Variants in ADAM22 observed in about 807,000 individuals in gnomAD.
ADAM22 encodes the protein ADAM metallopeptidase domain 22, also known as disintegrin and metalloproteinase domain-containing protein 22.
A neutral mutation model predicts 144.6 loss-of-function variants in ADAM22; 65 were observed. That is an observed-to-expected ratio of 0.45 (90% confidence interval 0.37 to 0.55). The LOEUF is 0.55. Ranked by LOEUF, ADAM22 falls within the 20% of genes least tolerant of loss-of-function variation. The pLI is 0.00. For missense variants in ADAM22, 974 were observed against 1,184.9 expected, an observed-to-expected ratio of 0.82 and a Z score of 2.61; for synonymous variants, 391 against 412.6, an observed-to-expected ratio of 0.95 and a Z score of 0.63.
chr7:88,085,067 C>G (rs1818051965), intron 4 of ADAM22, among the ~76,000 whole-genome samples: 1 of 152,184 alleles, frequency 6.6e-6, no homozygotes, highest in South Asian at 2.1e-4. Flanking sequence ...GAGACCCTGT[C>G]TCTACATACA....
intron 8 of ADAM22, among the ~76,000 whole-genome samples, chr7:88,127,820 C>T (rs1428005862): frequency 6.6e-6 from 1 of 151,960 alleles, no homozygotes; most frequent in Non-Finnish European, 1.5e-5. Context: ...GCTTTACAAA[C>T]CTTGTTAATG....
chr7:87,948,283 T>G (rs1012614450), intron 2 of ADAM22, among the ~76,000 whole-genome samples: 2 of 152,222 alleles, frequency 1.3e-5, no homozygotes, highest in Admixed American at 6.5e-5. Context: ...TGTAGCACAT[T>G]GCTGGACTTA....
chr7:87,968,205 A>G (rs1450557123), intron 2 of ADAM22, among the ~76,000 whole-genome samples: 1 of 152,164 alleles, frequency 6.6e-6, no homozygotes, highest in Non-Finnish European at 1.5e-5. Flanking sequence ...TATGGCTTTC[A>G]AGATAAGGAG....
intron 2 of ADAM22, among the ~76,000 whole-genome samples, chr7:87,960,186 A>G (rs1336841148): frequency 6.6e-6 from 1 of 152,240 alleles, no homozygotes; most frequent in East Asian, 1.9e-4. Flanking sequence ...AGTTTTAAAC[A>G]GTCTTTCCAA....
intron 24 of ADAM22, 127 bp from the exon 25 acceptor site, chr7:88,168,010 C>A: frequency 1.3e-6 from 1 of 744,594 alleles, no homozygotes; most frequent in Non-Finnish European, 2.1e-6. Context: ...TTTTTTCTTT[C>A]CTTTGAAAAA....
chr7:88,131,397 T>A lies in ADAM22; in HGVS notation c.954T>A (p.Asp318Glu). ...GTGAGTTTATGAAATACAGGAGGGA[T>A]TTTATCAAAGAGAAAAGTGATGCAG... ...TLREFMKYRR[D>E]FIKEKSDAVH... The change falls in exon 11 of 32, where the codon GAT becomes GAA. Residue 318 changes from aspartate (D) to glutamate (E), a missense_variant. Coordinates refer to ENST00000413139, the MANE Select transcript of ADAM22 (RefSeq NM_001324418.2). The A allele has an allele frequency of 6.2e-7, 1 of 1,613,838 alleles. No individual in the cohort carries two copies. Among genetic ancestry groups the A allele is most frequent in the Non-Finnish European group, 8.5e-7 (1 of 1,179,820 alleles).
At chr7:88,175,974 G>C (rs1845549147) in intron 26 of ADAM22, among the ~76,000 whole-genome samples, 1 of 152,048 alleles carries the variant, frequency 6.6e-6, no homozygotes, top group East Asian at 1.9e-4. Context: ...TAGTAGTATT[G>C]TTATTATTAT....
Position 88,165,818 on chromosome 7 carries a change from A to AT in ADAM22, c.2077-10dup, listed in dbSNP as rs763408479. On this transcript the variant is annotated splice_polypyrimidine_tract_variant and intron_variant, in intron 23 of 31. Coordinates refer to ENST00000413139, the MANE Select transcript of ADAM22 (RefSeq NM_001324418.2). ...GAGAGTTGACATTTACTCTAGCTTG[A>AT]TTTTGGATCTCAGGTTTGCAGTAAT... 2.5e-6 allele frequency: 4 copies of AT among 1,576,860 alleles called. No homozygotes were observed. The African/African-American group carries it at 5.5e-5, about 22-fold the overall frequency.
chr7:88,079,812 A>G (rs572165969), intron 4 of ADAM22, among the ~76,000 whole-genome samples: 97 of 152,350 alleles, frequency 6.4e-4, no homozygotes, highest in African/African-American at 2.3e-3. Flanking sequence ...CTAAATATAT[A>G]TGCACTCAAT....
At chr7:88,181,263 CTTTTCA>C (rs1846944885) in intron 27 of ADAM22, among the ~76,000 whole-genome samples, 1 of 152,090 alleles carries the variant, frequency 6.6e-6, no homozygotes. Context: ...TGTCTTGATA[CTTTTCA>C]TTTATATACT....
intron 29 of ADAM22, among the ~76,000 whole-genome samples, chr7:88,183,445 TA>T (rs1847577060): frequency 6.6e-6 from 1 of 152,130 alleles, no homozygotes; most frequent in South Asian, 2.1e-4. Context: ...AAAAAATCAG[TA>T]TTATGTTAAA....
At chr7:88,014,678 A>G (rs1183384000) in intron 3 of ADAM22, among the ~76,000 whole-genome samples, 1 of 152,136 alleles carries the variant, frequency 6.6e-6, no homozygotes, top group Non-Finnish European at 1.5e-5. Context: ...AAAGTTATAT[A>G]CTTTCTGGCA....
chr7:88,177,431 G>A (rs966363168), intron 26 of ADAM22, among the ~76,000 whole-genome samples: 1 of 151,760 alleles, frequency 6.6e-6, no homozygotes, highest in African/African-American at 2.4e-5. Context: ...TTTATATACT[G>A]GGGAAAAGAA....
intron 2 of ADAM22, among the ~76,000 whole-genome samples, chr7:87,945,081 GTTTAGAC>G (rs1224061576): frequency 2.0e-5 from 3 of 151,980 alleles, no homozygotes; most frequent in South Asian, 2.1e-4. Flanking sequence ...CCATTTTACA[GTTTAGAC>G]TTTAGACACT....
Position 88,039,464 on chromosome 7 carries a change from A to AAAAAAAAAAAAAAAAAAAAATAT in ADAM22, c.324-36161_324-36160insAAAAAAAAAAAAAAAAAAATATA. 3.7e-4 allele frequency among the ~76,000 whole-genome samples: 28 copies of AAAAAAAAAAAAAAAAAAAAATAT among 76,380 alleles called. 1 individual carries two copies. The highest frequency in any genetic ancestry group is 6.5e-4 in the Non-Finnish European group (24 of 36,860). 50.1% of individuals were successfully genotyped at this position (76,380 alleles called of 152,430 possible). ...GATTCTGTCTCAAAAAAAAAAAAAA[A>AAAAAAAAAAAAAAAAAAAAATAT]ATATATATATATATATATATACATT... On this transcript the variant is annotated intron_variant, in intron 3 of 31. Coordinates refer to ENST00000413139, the MANE Select transcript of ADAM22 (RefSeq NM_001324418.2).
chr7:88,031,450 T>C (rs1478723841), intron 3 of ADAM22, among the ~76,000 whole-genome samples: 4 of 152,194 alleles, frequency 2.6e-5, no homozygotes, highest in Admixed American at 6.5e-5. Context: ...GAGGAACTTA[T>C]TGGGGACTGG....
chr7:88,177,477 T>C (rs970024571), intron 26 of ADAM22, among the ~76,000 whole-genome samples: 4 of 152,138 alleles, frequency 2.6e-5, no homozygotes, highest in African/African-American at 7.2e-5. Context: ...ATTTACAGAA[T>C]TAAAAATATT....
rs545096159 is a variant in ADAM22 at position 88,118,671 on chromosome 7, CT to C, written c.607+1869del. Among the ~76,000 whole-genome samples the C allele has an allele frequency of 9.7e-3, 1,354 of 139,122 alleles. 29 individuals carry two copies. The highest frequency in any genetic ancestry group is 0.032 in the African/African-American group (1,203 of 37,062). The allele number at this position is 139,122 out of a possible 152,430, so 91.3% of individuals were successfully genotyped here. On this transcript the variant is annotated intron_variant, in intron 7 of 31. Transcript: ENST00000413139. ...TCTATCTATCTATATATATATATAT[CT>C]TTTTTTTTTTTGAGAAAATCATTCA...
At chr7:87,964,897 A>G (rs929328659) in intron 2 of ADAM22, among the ~76,000 whole-genome samples, 1 of 152,176 alleles carries the variant, frequency 6.6e-6, no homozygotes, top group Non-Finnish European at 1.5e-5. Context: ...ACTGTTAAAG[A>G]TTCTTGCTAT....
Sources: allele counts gnomAD v4.1 joint callset (sites outside exome capture counted in the v4.1 genomes callset), GRCh38; gene constraint gnomAD v4.1.1; transcripts MANE v1.5; gene names NCBI Gene and HGNC (gene_info 2026-07-23, HGNC 2026-07-21).